RECK: variants seen among roughly 807,000 people sequenced by gnomAD.
RECK encodes the protein reversion-inducing cysteine-rich protein with Kazal motifs.
In RECK, 69 loss-of-function variants were observed where a neutral mutation model predicts 115.1. The ratio of observed to expected loss-of-function variants is 0.60; its 90% CI spans 0.49 to 0.73. RECK has a LOEUF of 0.73. Among genes scored for constraint, RECK ranks in the 30% least tolerant of loss-of-function variants. RECK has a pLI of 0.00. For missense variants in RECK, 1,047 were observed against 1,203.7 expected (o/e 0.87, Z 1.93); for synonymous variants, 414 against 419.7 (o/e 0.99, Z 0.17).
chr9:36,089,734 C>A (rs538760490), intron 9 of RECK, among the ~76,000 whole-genome samples: 4 of 152,138 alleles, frequency 2.6e-5, no homozygotes, highest in African/African-American at 9.6e-5. Flanking sequence ...AGACTTGGGT[C>A]CTAGCCCCAA....
At chr9:36,119,734 CA>C (rs1432789620) in intron 18 of RECK, among the ~76,000 whole-genome samples, 1 of 152,078 alleles carries the variant, frequency 6.6e-6, no homozygotes, top group African/African-American at 2.4e-5. Flanking sequence ...GGTGACAGAC[CA>C]AACATAAGTT....
intron 4 of RECK, among the ~76,000 whole-genome samples, chr9:36,062,992 G>A (rs1404083256): frequency 6.6e-6 from 1 of 151,840 alleles, no homozygotes; most frequent in Admixed American, 6.6e-5. Flanking sequence ...AAAATTAGCC[G>A]GGCATGGTGG....
At chr9:36,059,618 A>G (rs1821678430) in intron 3 of RECK, among the ~76,000 whole-genome samples, 1 of 152,218 alleles carries the variant, frequency 6.6e-6, no homozygotes, top group South Asian at 2.1e-4. Flanking sequence ...ATTTTCTGAC[A>G]TACTGTAGAT....
At chr9:36,103,069 A>G (rs1424555560) in intron 12 of RECK, among the ~76,000 whole-genome samples, 1 of 152,064 alleles carries the variant, frequency 6.6e-6, no homozygotes, top group East Asian at 1.9e-4. Flanking sequence ...GCGTGTTGCT[A>G]TCTCATTGAG....
chr9:36,054,779 G>A (rs1821455720), intron 2 of RECK, among the ~76,000 whole-genome samples: 1 of 152,068 alleles, frequency 6.6e-6, no homozygotes, highest in Non-Finnish European at 1.5e-5. Flanking sequence ...TGTCTTACCT[G>A]TATATATTAT....
In RECK at chr9:36,091,174, A is replaced by T; in HGVS notation, c.916A>T (p.Thr306Ser). ...GTGCTCTTGTTTCAGGGAACTCTGCACTAAACTTTACAGCATGAGCTGGGG... is the reference window on the plus strand; with the variant it reads ...GTGCTCTTGTTTCAGGGAACTCTGCTCTAAACTTTACAGCATGAGCTGGGG... ...ANTSTCRELC[T>S]KLYSMSWGNT... The change falls in exon 10 of 21, where the codon ACT becomes TCT. Residue 306 changes from threonine to serine, a missense_variant. Transcript: ENST00000377966. 1 of 1,613,976 alleles carries T rather than the reference A, an allele frequency of 6.2e-7. No homozygotes were observed. Among genetic ancestry groups the T allele is most frequent in the East Asian group, 2.2e-5 (1 of 44,864 alleles).
In RECK at chr9:36,106,870, T is replaced by C. The variant is rs919035571; in HGVS notation, c.1577-1106T>C. On this transcript the variant is annotated intron_variant, in intron 13 of 20. Coordinates refer to ENST00000377966, the MANE Select transcript of RECK (RefSeq NM_021111.3). ...CTGTAATCCCAGCACTTTGGGAGGC[T>C]GAGACAGGCAGATCACGAGGTCAGG... 4.0e-5 allele frequency among the ~76,000 whole-genome samples: 6 copies of C among 151,876 alleles called. 1 individual carries two copies. Among genetic ancestry groups the C allele is most frequent in the Non-Finnish European group, 8.8e-5 (6 of 67,972 alleles).
intron 6 of RECK, among the ~76,000 whole-genome samples, chr9:36,072,984 C>A (rs1822292437): frequency 6.6e-6 from 1 of 151,964 alleles, no homozygotes; most frequent in South Asian, 2.1e-4. Context: ...CTTAAGCAAT[C>A]TCATCTCCCA....
chr9:36,083,914 T>C (rs916547102), intron 8 of RECK, among the ~76,000 whole-genome samples: 3 of 152,188 alleles, frequency 2.0e-5, no homozygotes, highest in Admixed American at 6.5e-5. Context: ...AGAAAACTTA[T>C]ATAAATTTGC....
intron 12 of RECK, among the ~76,000 whole-genome samples, chr9:36,104,515 G>C (rs866994250): frequency 7.0e-5 from 10 of 143,490 alleles, no homozygotes; most frequent in Non-Finnish European, 1.2e-4. Flanking sequence ...TTTGAGGGGG[G>C]GCTTTTTTTT....
At chr9:36,080,662 T>C in intron 7 of RECK, 24 bp downstream of exon 7, 1 of 1,604,598 alleles carries the variant, frequency 6.2e-7, no homozygotes, top group Non-Finnish European at 8.5e-7. Context: ...TCAATGGTTG[T>C]ACAAACAGTC....
chr9:36,089,341 G>A (rs573846663), intron 9 of RECK, among the ~76,000 whole-genome samples: 2 of 152,150 alleles, frequency 1.3e-5, no homozygotes, highest in Non-Finnish European at 2.9e-5. Flanking sequence ...TTGATACAGG[G>A]TTTTATGGTT....
At chr9:36,056,594 A>G (rs1272733852) in intron 2 of RECK, among the ~76,000 whole-genome samples, 2 of 152,352 alleles carry the variant, frequency 1.3e-5, no homozygotes, top group East Asian at 3.9e-4. Context: ...GACACTTTCT[A>G]CAATGATGAA....
chr9:36,071,723 C>CT (rs1822237556), intron 6 of RECK, among the ~76,000 whole-genome samples: 1 of 151,888 alleles, frequency 6.6e-6, no homozygotes, highest in South Asian at 2.1e-4. Context: ...TGAGGACTAA[C>CT]TTTTTTTTAG....
chr9:36,096,189 A>G (rs1313516212), intron 10 of RECK, among the ~76,000 whole-genome samples: 1 of 151,494 alleles, frequency 6.6e-6, no homozygotes, highest in Non-Finnish European at 1.5e-5. Context: ...GTGAGCCAAG[A>G]TCATGCCATT....
At chr9:36,109,614 C>T (rs1345697620) in intron 14 of RECK, among the ~76,000 whole-genome samples, 3 of 152,182 alleles carry the variant, frequency 2.0e-5, no homozygotes, top group African/African-American at 7.2e-5. Flanking sequence ...TAGGCCGAGG[C>T]AGGCAGATGG....
At chr9:36,080,802 T>A (rs1325191991) in intron 7 of RECK, among the ~76,000 whole-genome samples, 164 bp downstream of exon 7, 1 of 152,210 alleles carries the variant, frequency 6.6e-6, no homozygotes, top group South Asian at 2.1e-4. Context: ...ACAATGCAGA[T>A]ACTAAAGCTC....
At chr9:36,108,798 T>A (rs151247767) in intron 14 of RECK, among the ~76,000 whole-genome samples, 51 of 152,192 alleles carry the variant, frequency 3.4e-4, no homozygotes, top group African/African-American at 1.1e-3. Context: ...CTCCACTGCT[T>A]CCTTAACCAT....
chr9:36,071,983 T>A (rs1822247786), intron 6 of RECK, among the ~76,000 whole-genome samples: 1 of 152,206 alleles, frequency 6.6e-6, no homozygotes, highest in Non-Finnish European at 1.5e-5. Context: ...CCCACAGCCA[T>A]CCAGTTCCTA....
Sources: gnomAD v4.1 joint callset for allele counts (sites outside exome capture counted in the v4.1 genomes callset) on GRCh38, gnomAD v4.1.1 for gene constraint, MANE v1.5 for transcripts, NCBI Gene and HGNC (gene_info 2026-07-23, HGNC 2026-07-21) for gene names.